Variants in DENND1B observed in about 807,000 individuals in gnomAD.
DENND1B encodes DENN domain containing 1B.
Under a neutral mutation model 90.1 loss-of-function variants are expected in DENND1B, and 59 were observed. The observed-to-expected ratio is 0.65, with a 90% CI of 0.53 to 0.81. DENND1B has a LOEUF of 0.81. DENND1B is among the 40% of genes least tolerant of loss of function. The pLI is 0.00. For missense variants in DENND1B, 862 were observed against 912.6 expected, an observed-to-expected ratio of 0.94 and a Z score of 0.71; for synonymous variants, 337 against 324.6, an observed-to-expected ratio of 1.04 and a Z score of -0.41.
intron 10 of DENND1B, among the ~76,000 whole-genome samples, chr1:197,625,207 A>C (rs1252855393): frequency 3.9e-5 from 6 of 152,108 alleles, no homozygotes; most frequent in African/African-American, 1.4e-4. Flanking sequence ...CAAGACACAT[A>C]ATTGTCAGAT....
rs937738269 is a variant in DENND1B, at chr1:197,775,467, C to T, written c.-312G>A. 1.6e-5 allele frequency: 4 copies of T among 253,868 alleles called. No individual in the cohort carries two copies. Among genetic ancestry groups the T allele is most frequent in the Non-Finnish European group, 3.0e-5 (4 of 133,910 alleles). The allele number at this position is 253,868 out of a possible 1,614,324, so 15.7% of individuals were successfully genotyped here. On this transcript the variant is annotated 5_prime_UTR_variant, in exon 1 of 23. Transcript: ENST00000620048. ...CGACCGGGGCCGCCCGCTGCGGCTCCTGCACCTTCTTGCAAATCAGGAAGT... is the reference window on the plus strand; with the variant it reads ...CGACCGGGGCCGCCCGCTGCGGCTCTTGCACCTTCTTGCAAATCAGGAAGT...
chr1:197,619,760 AC>A (rs1447437491), intron 10 of DENND1B, among the ~76,000 whole-genome samples: 4 of 151,252 alleles, frequency 2.6e-5, no homozygotes, highest in African/African-American at 9.7e-5. Flanking sequence ...TTATTCGCTA[AC>A]AAAATTCAAC....
At chr1:197,662,342 G>A (rs931415835) in intron 5 of DENND1B, among the ~76,000 whole-genome samples, 1 of 151,974 alleles carries the variant, frequency 6.6e-6, no homozygotes. Flanking sequence ...GTAACTATAT[G>A]AATGACAGTA....
chr1:197,554,050 G>A (rs1671481883), intron 15 of DENND1B, among the ~76,000 whole-genome samples: 2 of 149,178 alleles, frequency 1.3e-5, no homozygotes, highest in Non-Finnish European at 1.5e-5. Flanking sequence ...CATTTGAAAA[G>A]TATCCTGGGT....
chr1:197,506,646 CTTAA>C lies in DENND1B; in HGVS notation c.*3810_*3813del, dbSNP rs977129835. ...CTTGATCAGGAGTCTACTTGTTCAC[CTTAA>C]TTAAGAAACAATTCATTAGAATTCC... On this transcript the variant is annotated 3_prime_UTR_variant, in exon 23 of 23. Coordinates refer to ENST00000620048, the MANE Select transcript of DENND1B (RefSeq NM_001195215.2). 2.6e-5 allele frequency: 4 copies of C among 151,368 alleles called. No individual in the cohort carries two copies. Among genetic ancestry groups the C allele is most frequent in the Non-Finnish European group, 5.9e-5 (4 of 67,574 alleles). 9.4% of individuals were successfully genotyped at this position (151,368 alleles called of 1,614,324 possible). A position where few individuals can be genotyped will look rare whatever the true frequency, so the allele number is the denominator to read the frequency against.
intron 2 of DENND1B, among the ~76,000 whole-genome samples, chr1:197,723,086 A>G (rs895269060): frequency 2.0e-5 from 3 of 152,220 alleles, no homozygotes; most frequent in Admixed American, 6.5e-5. Flanking sequence ...ACAACTTAAA[A>G]CAAGGAAGCT....
chr1:197,569,045 G>A (rs2125726060), intron 15 of DENND1B, among the ~76,000 whole-genome samples: 1 of 151,988 alleles, frequency 6.6e-6, no homozygotes, highest in South Asian at 2.1e-4. Context: ...ATAAGGAATT[G>A]ATATCCAAAA....
intron 2 of DENND1B, among the ~76,000 whole-genome samples, chr1:197,756,031 A>T (rs920900108): frequency 1.3e-5 from 2 of 152,230 alleles, no homozygotes; most frequent in Non-Finnish European, 2.9e-5. Context: ...GTACATTTAA[A>T]AGTATAGGGA....
intron 3 of DENND1B, among the ~76,000 whole-genome samples, chr1:197,678,873 T>C (rs2125995104): frequency 6.6e-6 from 1 of 152,224 alleles, no homozygotes; most frequent in East Asian, 1.9e-4. Flanking sequence ...TTTTTAAACT[T>C]AGGGCCAAAA....
chr1:197,698,600 C>A, intron 3 of DENND1B, among the ~76,000 whole-genome samples: 2 of 43,020 alleles, frequency 4.6e-5, no homozygotes, highest in African/African-American at 1.7e-4. Flanking sequence ...ATGAAAAACT[C>A]ACCAAAAAAA....
At chr1:197,653,758 A>G (rs1446501165) in intron 6 of DENND1B, among the ~76,000 whole-genome samples, 1 of 152,090 alleles carries the variant, frequency 6.6e-6, no homozygotes, top group Non-Finnish European at 1.5e-5. Context: ...GATACACACT[A>G]TGGAGATAAT....
chr1:197,659,696 A>G (rs952903053), intron 5 of DENND1B, among the ~76,000 whole-genome samples: 15 of 152,062 alleles, frequency 9.9e-5, no homozygotes, highest in Non-Finnish European at 1.8e-4. Flanking sequence ...ACAGCAGAAA[A>G]GAGTAAACCA....
intron 2 of DENND1B, among the ~76,000 whole-genome samples, chr1:197,720,522 C>T (rs917169668): frequency 3.3e-5 from 5 of 151,710 alleles, no homozygotes; most frequent in South Asian, 2.1e-4. Context: ...ATTACAGGTG[C>T]GAGCCAACAT....
chr1:197,520,828 A>G (rs1422957658), intron 20 of DENND1B, among the ~76,000 whole-genome samples: 1 of 151,962 alleles, frequency 6.6e-6, no homozygotes, highest in Non-Finnish European at 1.5e-5. Context: ...CTAAACACAC[A>G]TAATTGTAAA....
chr1:197,731,474 G>T (rs1296404966), intron 2 of DENND1B, among the ~76,000 whole-genome samples: 2 of 152,120 alleles, frequency 1.3e-5, no homozygotes, highest in Non-Finnish European at 2.9e-5. Flanking sequence ...ATCATTTGAA[G>T]TCTAAAACTT....
intron 2 of DENND1B, among the ~76,000 whole-genome samples, chr1:197,754,658 T>TAAAAAAAA (rs1654024762): frequency 8.2e-5 from 1 of 12,166 alleles, no homozygotes; most frequent in African/African-American, 5.4e-4. Flanking sequence ...AGACTCTGTC[T>TAAAAAAAA]CAAAAAAAAA....
At chr1:197,662,789 T>A (rs973392740) in intron 5 of DENND1B, among the ~76,000 whole-genome samples, 3 of 152,070 alleles carry the variant, frequency 2.0e-5, no homozygotes, top group Non-Finnish European at 4.4e-5. Flanking sequence ...TCTGTTGTAA[T>A]CTTAAAACAG....
At chr1:197,528,323 T>G (rs1463270200) in intron 20 of DENND1B, among the ~76,000 whole-genome samples, 4 of 152,198 alleles carry the variant, frequency 2.6e-5, no homozygotes, top group Non-Finnish European at 5.9e-5. Context: ...GCTTTACTTG[T>G]AAGTCTCTGC....
intron 2 of DENND1B, among the ~76,000 whole-genome samples, chr1:197,716,856 TTA>T (rs1491109839): frequency 6.6e-6 from 1 of 151,982 alleles, no homozygotes; most frequent in East Asian, 1.9e-4. Context: ...ATAAGTATAC[TTA>T]TGTTATTGAA....
Sources: gnomAD v4.1 joint callset for allele counts (sites outside exome capture counted in the v4.1 genomes callset) on GRCh38, gnomAD v4.1.1 for gene constraint, MANE v1.5 for transcripts, NCBI Gene and HGNC (gene_info 2026-07-23, HGNC 2026-07-21) for gene names.